The following ADI1 variants were observed in gnomAD, a reference collection of about 807,000 sequenced individuals.
ADI1 encodes the protein acireductone dioxygenase 1, also known as acireductone dioxygenase.
Under a neutral mutation model 18.7 loss-of-function variants are expected in ADI1, and 21 were observed. That is an observed-to-expected ratio of 1.13 (90% CI 0.80 to 1.62). The LOEUF is 1.62. ADI1 is among the 40% of genes most tolerant of loss of function. The probability of loss-of-function intolerance (pLI) is 0.00; values close to 1 mark genes in which losing one functional copy is unlikely to be tolerated. For missense variants in ADI1, 245 were observed against 254.9 expected (o/e 0.96, Z 0.26); for synonymous variants, 90 against 100.1 (o/e 0.90, Z 0.60).
chr2:3,514,760 A>C, intron 1 of ADI1: 2 of 1,539,220 alleles, frequency 1.3e-6, no homozygotes, highest in Non-Finnish European at 1.8e-6. Flanking sequence ...TGAATCTAGC[A>C]CACTTTATGT....
Position 3,498,768 on chromosome 2 carries a change from A to C in ADI1, c.*195T>G. 1.2e-6 allele frequency: 1 copy of C among 800,156 alleles called. No homozygotes were observed. The highest frequency in any genetic ancestry group is 2.5e-5 in the South Asian group (1 of 39,504). 49.6% of individuals were successfully genotyped at this position (800,156 alleles called of 1,614,324 possible). A position where few individuals can be genotyped will look rare whatever the true frequency, so the allele number is the denominator to read the frequency against. On this transcript the variant is annotated 3_prime_UTR_variant, in exon 4 of 4. Transcript: ENST00000327435. ...GTCTTGATTGAGTTACAGAAAATGA[A>C]GGTGACTCTTTACACTTCCAAGTTG... is the stretch of plus-strand genomic sequence containing the variant.
chr2:3,501,859 T>C (rs1205885737), intron 2 of ADI1, among the ~76,000 whole-genome samples: 3 of 152,320 alleles, frequency 2.0e-5, no homozygotes, highest in Non-Finnish European at 4.4e-5. Context: ...AGTGTTTTCT[T>C]CCTAATATTT....
At chr2:3,510,013 T>C (rs897347579) in intron 2 of ADI1, among the ~76,000 whole-genome samples, 4 of 151,708 alleles carry the variant, frequency 2.6e-5, no homozygotes, top group Non-Finnish European at 5.9e-5. Flanking sequence ...CATGGTGGCG[T>C]ATGTCTGTAA....
intron 2 of ADI1, 152 bp downstream of exon 2, chr2:3,513,705 T>C: frequency 1.2e-6 from 1 of 842,442 alleles, no homozygotes; most frequent in Non-Finnish European, 1.7e-6. Flanking sequence ...TTAAATCTCT[T>C]TTCTTATAAA....
intron 2 of ADI1, among the ~76,000 whole-genome samples, chr2:3,505,240 T>C (rs937758837): frequency 5.3e-5 from 8 of 152,220 alleles, no homozygotes; most frequent in Non-Finnish European, 1.0e-4. Flanking sequence ...TTTTTAAATC[T>C]GTAAGAGAAG....
At chr2:3,505,606 G>A (rs1667158986) in intron 2 of ADI1, among the ~76,000 whole-genome samples, 1 of 152,194 alleles carries the variant, frequency 6.6e-6, no homozygotes, top group Non-Finnish European at 1.5e-5. Context: ...CTCAACTCAG[G>A]AGAGCTCAGC....
At chr2:3,504,975 T>G (rs1407885763) in intron 2 of ADI1, among the ~76,000 whole-genome samples, 1 of 152,200 alleles carries the variant, frequency 6.6e-6, no homozygotes, top group African/African-American at 2.4e-5. Flanking sequence ...CTGTGTATGT[T>G]TGTATTGTCT....
chr2:3,512,146 GAA>G (rs1180327162), intron 2 of ADI1, among the ~76,000 whole-genome samples: 1 of 152,228 alleles, frequency 6.6e-6, no homozygotes, highest in Non-Finnish European at 1.5e-5. Context: ...GGCAAAGAAA[GAA>G]AAAGTTTTTG....
rs911393750 is a variant in ADI1 at position 3,498,784 on chromosome 2, T to C, written c.*179A>G. The C allele has an allele frequency of 9.6e-7, 1 of 1,045,164 alleles. No homozygotes were observed. The highest frequency in any genetic ancestry group is 2.9e-5 in the Admixed American group (1 of 34,154). 64.7% of individuals were successfully genotyped at this position (1,045,164 alleles called of 1,614,324 possible). A position where few individuals can be genotyped will look rare whatever the true frequency, so the allele number is the denominator to read the frequency against. On this transcript the variant is annotated 3_prime_UTR_variant, in exon 4 of 4. Coordinates refer to ENST00000327435, the MANE Select transcript of ADI1 (RefSeq NM_018269.4). ...AGAAAATGAAGGTGACTCTTTACAC[T>C]TCCAAGTTGCTTTCTAGATCCTTTC...
chr2:3,500,979 G>T lies in ADI1; in HGVS notation c.255C>A (p.Tyr85Ter), dbSNP rs139421530. The T allele has an allele frequency of 6.2e-7, 1 of 1,608,970 alleles. No homozygotes were observed. Among genetic ancestry groups the T allele is most frequent in the African/African-American group, 1.3e-5 (1 of 75,002 alleles). The change falls in exon 3 of 4, where the codon TAC becomes TAA. Residue 85 changes from tyrosine to a stop codon, truncating the protein, a stop_gained. Coordinates refer to ENST00000327435, the MANE Select transcript of ADI1 (RefSeq NM_018269.4). LOFTEE classifies it high-confidence loss of function. ...PNYEEKIKMF[Y>*]EEHLHLDDEI... Reference sequence around the variant, plus strand: ...CATCGTCCAAGTGCAAATGCTCCTCGTAGAACATCTTAATCTAGTGCAGAA... The same window carrying T: ...CATCGTCCAAGTGCAAATGCTCCTCTTAGAACATCTTAATCTAGTGCAGAA...
intron 2 of ADI1, 25 bp from the exon 3 acceptor site, chr2:3,501,018 G>A: frequency 1.9e-6 from 3 of 1,551,836 alleles, no homozygotes; most frequent in Non-Finnish European, 2.6e-6. Context: ...ACATTCCTGT[G>A]AGTCTACCAG....
intron 2 of ADI1, among the ~76,000 whole-genome samples, chr2:3,511,661 C>A (rs1667297097): frequency 6.6e-6 from 1 of 152,136 alleles, no homozygotes; most frequent in Admixed American, 6.6e-5. Context: ...ATAAAGATAC[C>A]TGAAAATATG....
At chr2:3,516,041 AAT>A (rs760596103) in intron 1 of ADI1, 23 of 982,770 alleles carry the variant, frequency 2.3e-5, no homozygotes, top group Non-Finnish European at 2.8e-5. Flanking sequence ...CATAATATGT[AAT>A]ATGACACATT....
At chr2:3,516,713 A>G (rs1459801779) in intron 1 of ADI1, 2 of 983,876 alleles carry the variant, frequency 2.0e-6, no homozygotes, top group Non-Finnish European at 2.4e-6. Flanking sequence ...TTGTTATAGC[A>G]GCAGGTATTT....
At chr2:3,518,159 T>C (rs901365320) in intron 1 of ADI1, among the ~76,000 whole-genome samples, 1 of 152,260 alleles carries the variant, frequency 6.6e-6, no homozygotes, top group African/African-American at 2.4e-5. Context: ...AACCTTATCC[T>C]AGGAAAAGAC....
chr2:3,503,755 CA>C (rs1667101969), intron 2 of ADI1, among the ~76,000 whole-genome samples: 1 of 152,146 alleles, frequency 6.6e-6, no homozygotes, highest in African/African-American at 2.4e-5. Context: ...GGGGATGCGC[CA>C]GGGGACAGAA....
At chr2:3,512,314 C>T (rs10190397) in intron 2 of ADI1, among the ~76,000 whole-genome samples, 106,416 of 151,814 alleles carry the variant, frequency 0.7, 40,335 homozygotes, top group Non-Finnish European at 0.85. Flanking sequence ...ACTTCAAACA[C>T]AGCCAAGGCA....
intron 2 of ADI1, among the ~76,000 whole-genome samples, chr2:3,508,165 T>C (rs924791195): frequency 3.3e-5 from 5 of 151,650 alleles, no homozygotes; most frequent in African/African-American, 1.2e-4. Flanking sequence ...AAACCCCATC[T>C]CTACTAAAAA....
chr2:3,516,084 G>C (rs543900888), intron 1 of ADI1: 2 of 973,074 alleles, frequency 2.1e-6, no homozygotes, highest in African/African-American at 3.5e-5. Context: ...TTAAATATAC[G>C]AATGTTGAAA....
Sources: allele counts gnomAD v4.1 joint callset (sites outside exome capture counted in the v4.1 genomes callset), GRCh38; gene constraint gnomAD v4.1.1; transcripts MANE v1.5; gene names NCBI Gene and HGNC (gene_info 2026-07-23, HGNC 2026-07-21).